NTM: variants seen among roughly 807,000 people sequenced by gnomAD.
The protein encoded by NTM is neurotrimin, also known as IgLON family member 2.
In NTM, 13 loss-of-function variants were observed where a neutral mutation model predicts 42.1. That is an observed-to-expected ratio of 0.31 (90% CI 0.20 to 0.49). NTM has a LOEUF of 0.49. Ranked by LOEUF, NTM falls within the 20% of genes least tolerant of loss-of-function variation. The pLI, the probability that NTM is intolerant of heterozygous loss-of-function variation, is 0.99. For missense variants in NTM, 373 were observed against 452.8 expected, an observed-to-expected ratio of 0.82 and a Z score of 1.60; for synonymous variants, 187 against 179.2, an observed-to-expected ratio of 1.04 and a Z score of -0.35.
At chr11:131,661,619 A>T (rs1781008931) in intron 1 of NTM, among the ~76,000 whole-genome samples, 1 of 152,172 alleles carries the variant, frequency 6.6e-6, no homozygotes, top group South Asian at 2.1e-4. Flanking sequence ...TTTCTAAAAG[A>T]GCTGGGGGCT....
At chr11:131,476,467 GAA>G (rs904556673) in intron 1 of NTM, among the ~76,000 whole-genome samples, 6 of 152,196 alleles carry the variant, frequency 3.9e-5, no homozygotes, top group Non-Finnish European at 7.3e-5. Context: ...CTGGAAGGGG[GAA>G]GAGAGGTGGC....
At chr11:131,874,056 T>TA (rs1214118735) in intron 1 of NTM, among the ~76,000 whole-genome samples, 1 of 49,300 alleles carries the variant, frequency 2.0e-5, no homozygotes, top group South Asian at 4.3e-4. Flanking sequence ...TATATATATA[T>TA]ATATATATAT....
intron 1 of NTM, among the ~76,000 whole-genome samples, chr11:131,477,861 C>T (rs1466742940): frequency 6.6e-6 from 1 of 151,130 alleles, no homozygotes; most frequent in Non-Finnish European, 1.5e-5. Context: ...AGATTTCTTC[C>T]CTATCCTTAC....
intron 4 of NTM, among the ~76,000 whole-genome samples, chr11:132,237,227 C>T (rs1244992380): frequency 2.0e-5 from 3 of 152,202 alleles, no homozygotes; most frequent in Non-Finnish European, 2.9e-5. Context: ...GTCCTGTTGT[C>T]CTTTGCTCCT....
At chr11:132,258,032 G>A (rs1007029804) in intron 4 of NTM, among the ~76,000 whole-genome samples, 3 of 152,244 alleles carry the variant, frequency 2.0e-5, no homozygotes, top group African/African-American at 7.2e-5. Context: ...ATGGACAGCT[G>A]CTGGGGCATT....
chr11:131,578,997 G>T (rs2058165313), intron 1 of NTM, among the ~76,000 whole-genome samples: 1 of 152,174 alleles, frequency 6.6e-6, no homozygotes, highest in Non-Finnish European at 1.5e-5. Context: ...AACCGGACTT[G>T]GGGACTAAAA....
intron 3 of NTM, among the ~76,000 whole-genome samples, chr11:132,200,091 C>T (rs533292242): frequency 6.6e-6 from 1 of 152,276 alleles, no homozygotes; most frequent in South Asian, 2.1e-4. Flanking sequence ...GTCTCTACCC[C>T]TCATGCTAAA....
chr11:132,252,834 TG>T (rs1417686230), intron 4 of NTM, among the ~76,000 whole-genome samples: 2 of 152,172 alleles, frequency 1.3e-5, no homozygotes, highest in African/African-American at 4.8e-5. Flanking sequence ...AAATGTACCT[TG>T]GTTAAATAAG....
At chr11:131,978,015 C>T (rs2064671467) in intron 2 of NTM, among the ~76,000 whole-genome samples, 1 of 152,130 alleles carries the variant, frequency 6.6e-6, no homozygotes, top group Admixed American at 6.5e-5. Context: ...CGCCCTTCTG[C>T]AAAAATTCTT....
intron 4 of NTM, among the ~76,000 whole-genome samples, chr11:132,302,621 C>G (rs914458414): frequency 1.3e-5 from 2 of 152,148 alleles, no homozygotes; most frequent in East Asian, 3.9e-4. Flanking sequence ...ATTATGTAAA[C>G]TGGTTTCCTA....
intron 1 of NTM, among the ~76,000 whole-genome samples, chr11:131,577,843 C>T (rs182115513): frequency 2.0e-3 from 305 of 152,286 alleles, no homozygotes; most frequent in African/African-American, 6.8e-3. Flanking sequence ...ACCTCATTTC[C>T]TACTTTGACA....
At chr11:132,070,181 C>T (rs1397145819) in intron 2 of NTM, among the ~76,000 whole-genome samples, 174 of 142,664 alleles carry the variant, frequency 1.2e-3, no homozygotes, top group African/African-American at 4.1e-3. Flanking sequence ...TTAGTTAACA[C>T]GTCACACAGC....
At chr11:132,046,706 C>A (rs2078051564) in intron 2 of NTM, among the ~76,000 whole-genome samples, 1 of 152,086 alleles carries the variant, frequency 6.6e-6, no homozygotes, top group Admixed American at 6.6e-5. Context: ...TCTTCCTGGG[C>A]AGCATGTAGG....
At chr11:132,292,583 G>A (rs1299883459) in intron 4 of NTM, among the ~76,000 whole-genome samples, 3 of 151,830 alleles carry the variant, frequency 2.0e-5, no homozygotes, top group Non-Finnish European at 4.4e-5. Context: ...AGACAGGCAC[G>A]TATGAGTGTA....
At chr11:131,385,655 C>T (rs1398286272) in intron 1 of NTM, among the ~76,000 whole-genome samples, 10 of 152,214 alleles carry the variant, frequency 6.6e-5, no homozygotes, top group Admixed American at 6.5e-4. Flanking sequence ...GAGTTCATGA[C>T]CAGCCTGGGC....
intron 1 of NTM, among the ~76,000 whole-genome samples, chr11:131,894,137 G>T (rs2051836523): frequency 6.6e-6 from 1 of 152,168 alleles, no homozygotes; most frequent in Non-Finnish European, 1.5e-5. Context: ...ATAACAATCT[G>T]GTGTTTGTTG....
chr11:131,843,703 G>A (rs1051299658), intron 1 of NTM, among the ~76,000 whole-genome samples: 2 of 152,148 alleles, frequency 1.3e-5, no homozygotes, highest in African/African-American at 2.4e-5. Context: ...GACTGCATGC[G>A]AATAGGCAAT....
At chr11:131,755,804 T>G (rs567762005) in intron 1 of NTM, among the ~76,000 whole-genome samples, 1 of 152,352 alleles carries the variant, frequency 6.6e-6, no homozygotes, top group African/African-American at 2.4e-5. Flanking sequence ...TAACTCCAAC[T>G]TTGTCTCCTA....
At chr11:132,158,985 G>C (rs551476211) in intron 3 of NTM, among the ~76,000 whole-genome samples, 1 of 152,180 alleles carries the variant, frequency 6.6e-6, no homozygotes, top group Non-Finnish European at 1.5e-5. Context: ...CCACCCCCAG[G>C]GTGTGGGTTT....
Sources: allele counts gnomAD v4.1 joint callset (sites outside exome capture counted in the v4.1 genomes callset), GRCh38; gene constraint gnomAD v4.1.1; transcripts MANE v1.5; gene names NCBI Gene and HGNC (gene_info 2026-07-23, HGNC 2026-07-21).